WWOX: variants seen among roughly 807,000 people sequenced by gnomAD.
WWOX encodes WW domain-containing oxidoreductase.
A neutral mutation model predicts 46.2 loss-of-function variants in WWOX; 69 were observed. That is an observed-to-expected ratio of 1.49 (90% CI 1.23 to 1.82). The LOEUF (loss-of-function observed/expected upper bound fraction) is 1.82, where lower values mean the gene tolerates loss of function less well. Ranked by LOEUF, WWOX falls within the 40% of genes most tolerant of loss-of-function variation. The pLI, the probability that WWOX is intolerant of heterozygous loss-of-function variation, is 0.00. For missense variants in WWOX, 919 were observed against 542.6 expected (o/e 1.69, Z -6.89); for synonymous variants, 359 against 202.6 (o/e 1.77, Z -6.56).
At chr16:78,898,876 T>C (rs2044761029) in intron 8 of WWOX, 1 of 152,160 alleles carries the variant, frequency 6.6e-6, no homozygotes, top group Non-Finnish European at 1.5e-5. Flanking sequence ...TTTATGCTAT[T>C]GTAAATGGCA....
At chr16:78,273,947 C>T (rs2079531484) in intron 5 of WWOX, among the ~76,000 whole-genome samples, 1 of 152,150 alleles carries the variant, frequency 6.6e-6, no homozygotes, top group Admixed American at 6.5e-5. Context: ...GAGGGATGGA[C>T]AGGATAGACA....
intron 5 of WWOX, among the ~76,000 whole-genome samples, chr16:78,350,957 C>G (rs929794155): frequency 6.7e-6 from 1 of 150,276 alleles, no homozygotes; most frequent in East Asian, 1.9e-4. Context: ...TTCACCAGCA[C>G]TCGCTGTCAT....
At chr16:78,840,202 A>T (rs2052100662) in intron 8 of WWOX, among the ~76,000 whole-genome samples, 1 of 152,210 alleles carries the variant, frequency 6.6e-6, no homozygotes, top group African/African-American at 2.4e-5. Context: ...ATTTTTTAAT[A>T]TAAAATAATT....
chr16:78,688,878 G>A (rs944287275), intron 8 of WWOX, among the ~76,000 whole-genome samples: 1 of 152,174 alleles, frequency 6.6e-6, no homozygotes, highest in Non-Finnish European at 1.5e-5. Context: ...ATGGTAGGGA[G>A]TGAGTTCTCA....
At chr16:79,118,523 G>A (rs1314150880) in intron 8 of WWOX, among the ~76,000 whole-genome samples, 2 of 152,172 alleles carry the variant, frequency 1.3e-5, no homozygotes, top group Admixed American at 6.5e-5. Flanking sequence ...CTTCCTTAAT[G>A]CAAAGTTGCC....
intron 8 of WWOX, among the ~76,000 whole-genome samples, chr16:78,958,622 C>G (rs2151309458): frequency 6.6e-6 from 1 of 152,276 alleles, no homozygotes; most frequent in South Asian, 2.1e-4. Context: ...AATGCGAGTC[C>G]ATCCTTTTAC....
chr16:79,212,174 T>C lies in WWOX; in HGVS notation c.*378T>C. On this transcript the variant is annotated 3_prime_UTR_variant, in exon 9 of 9. Coordinates refer to ENST00000566780, the MANE Select transcript of WWOX (RefSeq NM_016373.4). ...ATCCAGCTACCACCACGGCCACCAC[T>C]GCAGCCGGGGGCTGGCCTTCTCCTA... is the stretch of plus-strand genomic sequence containing the variant. 1 of 1,478,886 alleles carries C rather than the reference T, an allele frequency of 6.8e-7. No homozygotes were observed. Among genetic ancestry groups the C allele is most frequent in the Non-Finnish European group, 8.9e-7 (1 of 1,124,060 alleles). The allele number at this position is 1,478,886 out of a possible 1,614,324, so 91.6% of individuals were successfully genotyped here.
intron 8 of WWOX, among the ~76,000 whole-genome samples, chr16:78,836,778 C>G (rs2051996686): frequency 6.6e-6 from 1 of 152,164 alleles, no homozygotes; most frequent in African/African-American, 2.4e-5. Context: ...TTTCTGATCT[C>G]TTTAATTATT....
chr16:78,159,962 C>T (rs747464079), intron 4 of WWOX, among the ~76,000 whole-genome samples: 14 of 151,956 alleles, frequency 9.2e-5, no homozygotes, highest in Non-Finnish European at 2.1e-4. Flanking sequence ...GTCTCTCTCT[C>T]TGTCATTCTT....
intron 8 of WWOX, among the ~76,000 whole-genome samples, chr16:78,547,833 C>T (rs1454897768): frequency 1.3e-5 from 2 of 152,034 alleles, no homozygotes; most frequent in African/African-American, 2.4e-5. Context: ...GGCCCTACCT[C>T]CTAATATATT....
chr16:78,934,768 G>C (rs1485767870), intron 8 of WWOX, among the ~76,000 whole-genome samples: 2 of 152,092 alleles, frequency 1.3e-5, no homozygotes, highest in Non-Finnish European at 2.9e-5. Context: ...GTGTTCCTGA[G>C]AGATTTAAAT....
intron 5 of WWOX, among the ~76,000 whole-genome samples, chr16:78,299,018 G>C (rs896109406): frequency 2.0e-5 from 3 of 152,072 alleles, no homozygotes; most frequent in African/African-American, 7.2e-5. Context: ...GATGAGCTGG[G>C]TTGCAGCCAG....
intron 8 of WWOX, among the ~76,000 whole-genome samples, chr16:79,114,455 CACAA>C (rs2049474640): frequency 6.6e-6 from 1 of 151,426 alleles, no homozygotes; most frequent in Non-Finnish European, 1.5e-5. Context: ...TGTGCACACA[CACAA>C]GCAGAAGGCC....
intron 6 of WWOX, among the ~76,000 whole-genome samples, chr16:78,419,438 T>A (rs1030173645): frequency 6.6e-6 from 1 of 151,834 alleles, no homozygotes; most frequent in Non-Finnish European, 1.5e-5. Flanking sequence ...TAAGAATAGA[T>A]CTATAGATAA....
intron 8 of WWOX, among the ~76,000 whole-genome samples, chr16:78,592,449 T>C (rs2045373975): frequency 6.6e-6 from 1 of 152,182 alleles, no homozygotes; most frequent in Non-Finnish European, 1.5e-5. Context: ...GTAAGTGTGA[T>C]GAGAATGGAA....
In WWOX at chr16:78,348,991, G is replaced by C. The variant is rs1187940152; in HGVS notation, c.517-37869G>C. On this transcript the variant is annotated intron_variant, in intron 5 of 8. Transcript: ENST00000566780. The stretch of plus-strand genomic sequence containing the variant: ...CATTGCAGATAGAGGCCGGTGTACT[G>C]GTCTGCTCAGGCTGCCATAACAAAA... 1.7e-5 allele frequency among the ~76,000 whole-genome samples: 2 copies of C among 119,840 alleles called. 1 individual carries two copies. The highest frequency in any genetic ancestry group is 5.7e-5 in the African/African-American group (2 of 35,242). The allele number at this position is 119,840 out of a possible 152,430, so 78.6% of individuals were successfully genotyped here.
chr16:78,772,719 A>T (rs1250875265), intron 8 of WWOX, among the ~76,000 whole-genome samples: 1 of 152,180 alleles, frequency 6.6e-6, no homozygotes, highest in East Asian at 1.9e-4. Context: ...ACAGAGGCTC[A>T]AAGAACCTAG....
chr16:78,508,994 G>A (rs1054072974), intron 8 of WWOX, among the ~76,000 whole-genome samples: 2 of 152,244 alleles, frequency 1.3e-5, no homozygotes, highest in African/African-American at 2.4e-5. Flanking sequence ...AGGATCTCCC[G>A]TTAAAGGCGT....
chr16:78,413,411 G>T (rs542648933), intron 6 of WWOX, among the ~76,000 whole-genome samples: 114 of 152,286 alleles, frequency 7.5e-4, no homozygotes, highest in Middle Eastern at 3.4e-3. Context: ...GTTCTTAGAG[G>T]TTTTGGCATA....
Sources: allele counts gnomAD v4.1 joint callset (sites outside exome capture counted in the v4.1 genomes callset), GRCh38; gene constraint gnomAD v4.1.1; transcripts MANE v1.5; gene names NCBI Gene and HGNC (gene_info 2026-07-23, HGNC 2026-07-21).